The following GARRE1 variants were observed in gnomAD, a reference collection of about 807,000 sequenced individuals.
GARRE1 encodes the protein granule associated Rac and RHOG effector 1.
Under a neutral mutation model 103.2 loss-of-function variants are expected in GARRE1, and 49 were observed. The observed-to-expected ratio is 0.47, with a 90% confidence interval of 0.38 to 0.60. The LOEUF is 0.60. Among genes scored for constraint, GARRE1 ranks in the 20% least tolerant of loss-of-function variants. The pLI is 0.00. For missense variants in GARRE1, 1,199 were observed against 1,370.5 expected, an observed-to-expected ratio of 0.87 and a Z score of 1.98; for synonymous variants, 505 against 532.8, an observed-to-expected ratio of 0.95 and a Z score of 0.72.
intron 3 of GARRE1, among the ~76,000 whole-genome samples, chr19:34,320,497 C>T (rs1004407699): frequency 2.6e-5 from 4 of 152,160 alleles, no homozygotes; most frequent in South Asian, 2.1e-4. Flanking sequence ...TCAGGAAAGA[C>T]GGGGTGGAGC....
At chr19:34,294,476 TAATA>T (rs2073936301) in intron 1 of GARRE1, among the ~76,000 whole-genome samples, 2 of 152,136 alleles carry the variant, frequency 1.3e-5, no homozygotes, top group African/African-American at 4.8e-5. Flanking sequence ...TATCTTTTAT[TAATA>T]TTCTGTTTTG....
chr19:34,317,132 C>T (rs1476697433), intron 2 of GARRE1, among the ~76,000 whole-genome samples: 2 of 152,216 alleles, frequency 1.3e-5, no homozygotes, highest in Non-Finnish European at 2.9e-5. Context: ...CTCCCTTTGC[C>T]CTCGGTCATT....
chr19:34,321,452 C>T (rs1018550553), intron 3 of GARRE1, among the ~76,000 whole-genome samples: 3 of 150,420 alleles, frequency 2.0e-5, no homozygotes, highest in African/African-American at 7.3e-5. Flanking sequence ...CTTTATGTGA[C>T]TTCATGAAGT....
rs1293178650 is a variant in GARRE1 at position 34,300,857 on chromosome 19, C to T, written c.384C>T (p.Ala128=). 6.2e-7 allele frequency: 1 copy of T among 1,613,856 alleles called. No individual in the cohort carries two copies. The highest frequency in any genetic ancestry group is 1.7e-5 in the Admixed American group (1 of 60,022). The change falls in exon 2 of 14, where the codon GCC becomes GCT. Residue 128 remains alanine, a synonymous_variant. Transcript: ENST00000299505. The part of the protein sequence containing the change: ...KDVQEHVMEA[A]SRLTSAIKPE... ...TGCAGGAGCATGTCATGGAAGCAGC[C>T]AGTCGGCTGACCTCGGCCATAAAGC...
intron 1 of GARRE1, among the ~76,000 whole-genome samples, chr19:34,272,247 T>C (rs2073792269): frequency 2.0e-5 from 3 of 152,132 alleles, no homozygotes; most frequent in Admixed American, 2.0e-4. Context: ...ATAGTCTTGC[T>C]CTGTTGCCCA....
intron 1 of GARRE1, among the ~76,000 whole-genome samples, chr19:34,264,842 A>G (rs765835811): frequency 6.6e-6 from 1 of 152,188 alleles, no homozygotes; most frequent in African/African-American, 2.4e-5. Context: ...TGTGTGACGT[A>G]TTTAACAATC....
rs528624939 is a variant in GARRE1, at chr19:34,322,650, C to T, written c.705+2534C>T. On this transcript the variant is annotated intron_variant, in intron 3 of 13. Coordinates refer to ENST00000299505, the MANE Select transcript of GARRE1 (RefSeq NM_014686.5). ...TCGCCCAGGCTGGAGTGCAGTGGCGCAATCTCGGCTCACTGTACCCTCTGC... is the reference window on the plus strand; with the variant it reads ...TCGCCCAGGCTGGAGTGCAGTGGCGTAATCTCGGCTCACTGTACCCTCTGC... Among the ~76,000 whole-genome samples, 10 of 151,430 alleles carry T rather than the reference C, an allele frequency of 6.6e-5. No homozygotes were observed. The South Asian group carries it at 2.1e-3, about 32-fold the overall frequency.
At chr19:34,323,071 C>T (rs1182861262) in intron 3 of GARRE1, among the ~76,000 whole-genome samples, 2 of 131,446 alleles carry the variant, frequency 1.5e-5, no homozygotes, top group East Asian at 4.3e-4. Context: ...CTCGCTGTTG[C>T]CCAGGCTGGA....
At chr19:34,298,756 G>T (rs527448235) in intron 1 of GARRE1, among the ~76,000 whole-genome samples, 2 of 152,100 alleles carry the variant, frequency 1.3e-5, no homozygotes, top group Non-Finnish European at 2.9e-5. Context: ...GTGACTTTCA[G>T]TGAAACGTAT....
intron 7 of GARRE1, among the ~76,000 whole-genome samples, 189 bp from the exon 8 acceptor site, chr19:34,333,515 A>G (rs1468222721): frequency 6.6e-6 from 1 of 152,138 alleles, no homozygotes; most frequent in Non-Finnish European, 1.5e-5. Flanking sequence ...GTTTATTGAA[A>G]TGTTCTTAGT....
chr19:34,289,755 T>C (rs1384420156), intron 1 of GARRE1, among the ~76,000 whole-genome samples: 1 of 151,794 alleles, frequency 6.6e-6, no homozygotes, highest in African/African-American at 2.4e-5. Context: ...AAATATTAGG[T>C]TAAGCCATTT....
intron 1 of GARRE1, among the ~76,000 whole-genome samples, chr19:34,268,730 G>A (rs1205576122): frequency 6.6e-6 from 1 of 152,164 alleles, no homozygotes; most frequent in African/African-American, 2.4e-5. Context: ...GGAGGTCGAG[G>A]TGGGAGGGTT....
intron 1 of GARRE1, among the ~76,000 whole-genome samples, chr19:34,263,952 G>A (rs918155196): frequency 2.6e-5 from 4 of 152,110 alleles, no homozygotes; most frequent in African/African-American, 9.7e-5. Context: ...TGAAAATGGG[G>A]AGGTAGTAAT....
intron 1 of GARRE1, among the ~76,000 whole-genome samples, chr19:34,299,015 G>C (rs2073962968): frequency 6.6e-6 from 1 of 152,126 alleles, no homozygotes. Flanking sequence ...AGTGAGGATT[G>C]GAAGAATCGT....
chr19:34,320,541 G>A (rs374542245), intron 3 of GARRE1, among the ~76,000 whole-genome samples: 1 of 152,182 alleles, frequency 6.6e-6, no homozygotes, highest in Non-Finnish European at 1.5e-5. Context: ...GCCAGGCAGC[G>A]AGGCAGGCGA....
chr19:34,352,524 T>G, intron 13 of GARRE1, 123 bp from the exon 14 acceptor site: 2 of 755,488 alleles, frequency 2.6e-6, no homozygotes, highest in Non-Finnish European at 4.6e-6. Flanking sequence ...TGGACAGGGG[T>G]GTGGGAGTGA....
At chr19:34,348,165 T>A in intron 11 of GARRE1, 123 bp downstream of exon 11, 1 of 806,446 alleles carries the variant, frequency 1.2e-6, no homozygotes, top group Non-Finnish European at 1.7e-6. Flanking sequence ...CAAGCCCCCA[T>A]GTGAGAGAGT....
At chr19:34,303,976 G>A (rs2073994141) in intron 2 of GARRE1, among the ~76,000 whole-genome samples, 1 of 152,064 alleles carries the variant, frequency 6.6e-6, no homozygotes, top group Admixed American at 6.6e-5. Context: ...TTTACTTTGT[G>A]GGCCCATCTA....
intron 8 of GARRE1, among the ~76,000 whole-genome samples, chr19:34,335,728 G>A (rs978378234): frequency 2.6e-4 from 40 of 152,166 alleles, no homozygotes; most frequent in Non-Finnish European, 7.4e-5. Context: ...GTTTTGCCAT[G>A]TTGGCCAGGC....
Sources: gnomAD v4.1 joint callset for allele counts (sites outside exome capture counted in the v4.1 genomes callset) on GRCh38, gnomAD v4.1.1 for gene constraint, MANE v1.5 for transcripts, NCBI Gene and HGNC (gene_info 2026-07-23, HGNC 2026-07-21) for gene names.